Variants in NOMO2 observed in about 807,000 individuals in gnomAD.
NOMO2 encodes NODAL modulator 2.
A neutral mutation model predicts 67.1 loss-of-function variants in NOMO2; 14 were observed. The observed-to-expected ratio is 0.21, with a 90% CI of 0.14 to 0.33. NOMO2 has a LOEUF of 0.33. Ranked by LOEUF, NOMO2 falls within the 10% of genes least tolerant of loss-of-function variation. The pLI is 1.00. For synonymous variants in NOMO2, 80 were observed against 305.9 expected (o/e 0.26, Z 7.71); for missense variants, 178 against 761.0 (o/e 0.23, Z 9.01).
Position 18,529,362 on chromosome 16 carries a change from C to T in NOMO2, c.1806+139G>A, listed in dbSNP as rs757115521. On this transcript the variant is annotated intron_variant, in intron 15 of 30. Coordinates refer to ENST00000622306, the MANE Select transcript of NOMO2 (RefSeq NM_173614.4). ...ATAAATGCTTCCTGATTATGCGTTG[C>T]GTAACAGGTGGGCGAGTGGAGAGGC... is the stretch of plus-strand genomic sequence containing the variant. The T allele has an allele frequency of 2.3e-5, 36 of 1,587,448 alleles. 1 individual carries two copies. The highest frequency in any genetic ancestry group is 2.8e-5 in the Non-Finnish European group (33 of 1,162,172).
chr16:18,527,019 C>G (rs1873528580), intron 16 of NOMO2, among the ~76,000 whole-genome samples: 1 of 147,078 alleles, frequency 6.8e-6, no homozygotes, highest in Non-Finnish European at 1.5e-5. Context: ...GAGTTTGAGA[C>G]CAGCCTGGAC....
chr16:18,535,313 T>G (rs1289095533), intron 11 of NOMO2, among the ~76,000 whole-genome samples: 9 of 151,300 alleles, frequency 5.9e-5, no homozygotes, highest in Non-Finnish European at 8.8e-5. Flanking sequence ...TAAGACCCTG[T>G]CTCAAAAAAA....
chr16:18,552,604 G>T (rs1307779194), intron 3 of NOMO2, among the ~76,000 whole-genome samples: 38 of 149,780 alleles, frequency 2.5e-4, no homozygotes, highest in African/African-American at 9.0e-4. Flanking sequence ...AACCTCATTG[G>T]CCATCAGTGG....
intron 11 of NOMO2, among the ~76,000 whole-genome samples, chr16:18,536,559 C>G (rs1256724857): frequency 6.6e-6 from 1 of 151,844 alleles, no homozygotes; most frequent in Non-Finnish European, 1.5e-5. Context: ...CCAAGTTGCC[C>G]AGGCTGGTCT....
rs1440392813 is a variant in NOMO2 at position 18,533,267 on chromosome 16, C to T, written c.1221-88G>A. 7.4e-5 allele frequency: 104 copies of T among 1,408,136 alleles called. 1 individual carries two copies. Among genetic ancestry groups the T allele is most frequent in the East Asian group, 1.6e-4 (7 of 44,188 alleles). 87.2% of individuals were successfully genotyped at this position (1,408,136 alleles called of 1,614,324 possible). On this transcript the variant is annotated intron_variant, in intron 11 of 30. Coordinates refer to ENST00000622306, the MANE Select transcript of NOMO2 (RefSeq NM_173614.4). The stretch of plus-strand genomic sequence containing the variant: ...CGACCAAAAAAGATGCAGCCCTCTC[C>T]CAGCCCTTGTTCCTGAGAATAGTCT...
intron 3 of NOMO2, among the ~76,000 whole-genome samples, chr16:18,553,559 G>A (rs1901837953): frequency 6.6e-6 from 1 of 151,102 alleles, no homozygotes; most frequent in Admixed American, 6.6e-5. Context: ...GGACTTCTGG[G>A]GTGCTGGTGA....
chr16:18,529,176 G>C (rs1484499047), intron 15 of NOMO2, among the ~76,000 whole-genome samples: 1 of 149,200 alleles, frequency 6.7e-6, no homozygotes, highest in African/African-American at 2.4e-5. Context: ...AACTGAGGCT[G>C]AGAAGCAGTA....
intron 7 of NOMO2, 66 bp downstream of exon 7, chr16:18,543,551 T>A: frequency 6.2e-7 from 1 of 1,609,332 alleles, no homozygotes; most frequent in Non-Finnish European, 8.5e-7. Flanking sequence ...AAACAGTATG[T>A]TCTGGTCTAT....
intron 9 of NOMO2, among the ~76,000 whole-genome samples, chr16:18,540,115 G>A (rs1164664339): frequency 5.7e-3 from 855 of 150,872 alleles, no homozygotes; most frequent in African/African-American, 0.018. Context: ...ATGAATGTGT[G>A]CACGCACGTG....
intron 15 of NOMO2, among the ~76,000 whole-genome samples, chr16:18,528,262 C>CAA (rs1185348575): frequency 2.7e-4 from 18 of 67,190 alleles, no homozygotes; most frequent in East Asian, 2.0e-3. Context: ...AAGGAAGTGT[C>CAA]AAAAAAAAAA....
chr16:18,551,224 A>C (rs972459208), intron 4 of NOMO2, among the ~76,000 whole-genome samples: 4 of 152,158 alleles, frequency 2.6e-5, no homozygotes, highest in African/African-American at 9.6e-5. Flanking sequence ...CTCTGGGAGC[A>C]GAGGGGATGA....
intron 15 of NOMO2, among the ~76,000 whole-genome samples, chr16:18,528,320 G>A (rs1280471579): frequency 1.3e-5 from 2 of 151,134 alleles, no homozygotes; most frequent in African/African-American, 4.9e-5. Flanking sequence ...CTCCACTGCT[G>A]GAAGGGAAAG....
chr16:18,520,370 T>TCGTC (rs1567236611), intron 20 of NOMO2, among the ~76,000 whole-genome samples: 1 of 115,974 alleles, frequency 8.6e-6, no homozygotes, highest in African/African-American at 3.2e-5. Context: ...AATCATTCAT[T>TCGTC]CATCCATCCA....
intron 11 of NOMO2, chr16:18,533,842 G>A (rs1326890407): frequency 6.6e-6 from 1 of 151,912 alleles, no homozygotes; most frequent in African/African-American, 2.4e-5. Flanking sequence ...GTAAGGTGTT[G>A]CAAGGCATCC....
rs780821503 is a variant in NOMO2, at chr16:18,558,889, C to T, written c.166-1098G>A. The T allele has an allele frequency of 8.1e-5, 37 of 454,562 alleles. 1 individual carries two copies. The highest frequency in any genetic ancestry group is 4.0e-4 in the Admixed American group (17 of 42,496). 28.2% of individuals were successfully genotyped at this position (454,562 alleles called of 1,614,324 possible). On this transcript the variant is annotated intron_variant, in intron 1 of 30. Transcript: ENST00000622306. Reference sequence around the variant, plus strand: ...ATGGATTCAAAGAAAAATCAGTTTGCGGCCAGGCATGGTGGCTCATGCCTG... The same window carrying T: ...ATGGATTCAAAGAAAAATCAGTTTGTGGCCAGGCATGGTGGCTCATGCCTG...
chr16:18,544,989 A>C (rs1901633047), intron 6 of NOMO2, among the ~76,000 whole-genome samples: 1 of 147,502 alleles, frequency 6.8e-6, no homozygotes. Flanking sequence ...TGAAAATCCC[A>C]ATCTCATATT....
At chr16:18,561,195 A>AAACG (rs1555467963) in intron 1 of NOMO2, among the ~76,000 whole-genome samples, 1 of 100,378 alleles carries the variant, frequency 1.0e-5, no homozygotes, top group Non-Finnish European at 2.0e-5. Flanking sequence ...AAAAAAAAAA[A>AAACG]AAAAAAAAAA....
At chr16:18,551,230 G>A (rs572318482) in intron 4 of NOMO2, among the ~76,000 whole-genome samples, 2 of 152,112 alleles carry the variant, frequency 1.3e-5, no homozygotes, top group African/African-American at 4.8e-5. Context: ...GAGCAGAGGG[G>A]ATGACCAGCA....
In NOMO2 at chr16:18,531,439, T is replaced by C. The variant is rs1478868990; in HGVS notation, c.1537+27A>G. 5.6e-6 allele frequency: 9 copies of C among 1,613,096 alleles called. No homozygotes were observed. The Admixed American group carries it at 1.5e-4, about 27-fold the overall frequency. On this transcript the variant is annotated intron_variant, in intron 13 of 30. Transcript: ENST00000622306. ...ACTGGCTGACTTCTTTGAAACTATGTGTTCTTACTTTCCAGTGATATCTTA... is the reference window on the plus strand; with the variant it reads ...ACTGGCTGACTTCTTTGAAACTATGCGTTCTTACTTTCCAGTGATATCTTA...
Sources: allele counts gnomAD v4.1 joint callset (sites outside exome capture counted in the v4.1 genomes callset), GRCh38; gene constraint gnomAD v4.1.1; transcripts MANE v1.5; gene names NCBI Gene and HGNC (gene_info 2026-07-23, HGNC 2026-07-21).